Variants in CHD8 observed in about 807,000 individuals in gnomAD.
CHD8 encodes the protein ATP-dependent chromatin remodeler CHD8.
In CHD8, 31 loss-of-function variants were observed where a neutral mutation model predicts 279.2. The ratio of observed to expected loss-of-function variants is 0.11; its 90% CI spans 0.08 to 0.15. The LOEUF (loss-of-function observed/expected upper bound fraction) is 0.15. Ranked by LOEUF, CHD8 falls within the 10% of genes least tolerant of loss-of-function variation. The pLI, the probability that CHD8 is intolerant of heterozygous loss-of-function variation, is 1.00. For synonymous variants in CHD8, 1,081 were observed against 1,139.6 expected (o/e 0.95, Z 1.04); for missense variants, 2,146 against 3,230.5 (o/e 0.66, Z 8.14).
chr14:21,437,035 G>A, intron 1 of CHD8: 2 of 1,105,082 alleles, frequency 1.8e-6, no homozygotes, highest in Non-Finnish European at 2.4e-6. Flanking sequence ...GCCCTCCAGG[G>A]TGGGGATGGC....
chr14:21,431,723 C>G lies in CHD8; in HGVS notation c.-80G>C. ...GGGGTACTGGCTCTCCCCTCCCCTC[C>G]CCTATTAAGAAAAAAATGTACACAA... On this transcript the variant is annotated 5_prime_UTR_variant, in exon 2 of 38. Coordinates refer to ENST00000646647, the MANE Select transcript of CHD8 (RefSeq NM_001170629.2). 1 of 1,610,146 alleles carries G rather than the reference C, an allele frequency of 6.2e-7. No homozygotes were observed. The highest frequency in any genetic ancestry group is 8.5e-7 in the Non-Finnish European group (1 of 1,178,002).
intron 1 of CHD8, among the ~76,000 whole-genome samples, chr14:21,446,762 GAC>G (rs1890131473): frequency 6.6e-6 from 1 of 152,212 alleles, no homozygotes; most frequent in African/African-American, 2.4e-5. Context: ...AGCTCCAGAA[GAC>G]ACATTCTTAA....
Position 21,386,022 on chromosome 14 carries a change from G to A in CHD8, c.7337C>T (p.Thr2446Met), listed in dbSNP as rs763909898. 5.6e-6 allele frequency: 9 copies of A among 1,596,120 alleles called. No homozygotes were observed. The East Asian group carries it at 6.8e-5, about 12-fold the overall frequency. Residue 2446 changes from threonine (T) to methionine (M), a missense_variant, in exon 38 of 38, where the codon ACG becomes ATG. Coordinates refer to ENST00000646647, the MANE Select transcript of CHD8 (RefSeq NM_001170629.2). ...GSTGSLSLHN[T>M]FQHSSSGLQS... ...TAGGCCACTACTGCTGTGTTGGAACGTGTTATGCAGAGATAGAGACCCAGT... is the reference window on the plus strand; with the variant it reads ...TAGGCCACTACTGCTGTGTTGGAACATGTTATGCAGAGATAGAGACCCAGT...
intron 5 of CHD8, chr14:21,425,324 T>C (rs916116939): frequency 1.6e-5 from 2 of 123,632 alleles, no homozygotes; most frequent in African/African-American, 7.2e-5. Flanking sequence ...AGTATTGCTA[T>C]TTTTTTTTTT....
At position 21,408,587 on chromosome 14, in the gene CHD8, TA is replaced by T. The variant is rs752032624; in HGVS notation, c.2487-33del. On this transcript the variant is annotated intron_variant, in intron 12 of 37. Transcript: ENST00000646647. The surrounding 1 kb of genome is among the most constrained non-coding windows in gnomAD (Gnocchi z 4.3). Reference sequence around the variant, plus strand: ...ATTCACCATGGGAAAAAAAAAATGTTAAAAGATACTATCTTTAAAAAAAATA... The same window carrying T: ...ATTCACCATGGGAAAAAAAAAATGTTAAAGATACTATCTTTAAAAAAAATA... 1.3e-6 allele frequency: 2 copies of T among 1,589,148 alleles called. No individual in the cohort carries two copies. Among genetic ancestry groups the T allele is most frequent in the African/African-American group, 2.7e-5 (2 of 72,790 alleles).
rs1165884095 is a variant in CHD8 at position 21,385,469 on chromosome 14, CA to C, written c.*143del. On this transcript the variant is annotated 3_prime_UTR_variant, in exon 38 of 38. Transcript: ENST00000646647. ...TCTCATAATTGGGAGCAATCAGGTA[CA>C]TTTTTTTTTTTTTTTCCTTTTCACC... The C allele has an allele frequency of 2.1e-5, 22 of 1,056,680 alleles. No homozygotes were observed. Among genetic ancestry groups the C allele is most frequent in the Non-Finnish European group, 2.4e-5 (18 of 761,518 alleles). 65.5% of individuals were successfully genotyped at this position (1,056,680 alleles called of 1,614,324 possible).
At chr14:21,437,225 T>A (rs1296006875) in intron 1 of CHD8, 1 of 1,184,182 alleles carries the variant, frequency 8.4e-7, no homozygotes, top group South Asian at 1.5e-5. Context: ...GGTTCGCCCC[T>A]CTCCCTGTCT....
rs556977377 is a variant in CHD8, at chr14:21,431,010, G to C, written c.634C>G (p.Arg212Gly). 1.9e-6 allele frequency: 3 copies of C among 1,599,482 alleles called. No homozygotes were observed. The highest frequency in any genetic ancestry group is 2.7e-5 in the African/African-American group (2 of 75,074). The change falls in exon 2 of 38, where the codon CGA becomes GGA. Residue 212 changes from arginine to glycine, a missense_variant. Physicochemically the swap from Arg to Gly is moderately radical, Grantham distance 125 (BLOSUM62 -2). This residue lies in a region of CHD8 where 302 missense variants were observed against 325.5 expected (regional missense o/e 0.93). Coordinates refer to ENST00000646647, the MANE Select transcript of CHD8 (RefSeq NM_001170629.2). ...CCAGAGACAATGGAAACACCTGGTC[G>C]AAGGGGTGTGCCGGTTAGCACTTTG... The part of the protein sequence containing the change: ...FTKVLTGTPL[R>G]PGVSIVSGNT...
chr14:21,401,925 T>G, intron 20 of CHD8, 32 bp downstream of exon 20: 1 of 1,567,964 alleles, frequency 6.4e-7, no homozygotes, highest in Non-Finnish European at 8.6e-7. Context: ...GGTCTCTGTG[T>G]TTTTCTAGCC....
chr14:21,437,580 G>C (rs1889841239), intron 1 of CHD8, among the ~76,000 whole-genome samples: 1 of 152,128 alleles, frequency 6.6e-6, no homozygotes, highest in Admixed American at 6.5e-5. Context: ...AAACTTGGGA[G>C]GGAGGGTTCC....
At chr14:21,395,946 A>G in intron 27 of CHD8, 54 bp from the exon 28 acceptor site, 2 of 1,153,102 alleles carry the variant, frequency 1.7e-6, no homozygotes, top group Admixed American at 3.6e-5. Context: ...TCTATCACTA[A>G]GGGAACCTAG....
rs574770740 is a variant in CHD8 at position 21,440,854 on chromosome 14, G to C, written c.-215-8996C>G. Among the ~76,000 whole-genome samples, 4 of 152,232 alleles carry C rather than the reference G, an allele frequency of 2.6e-5. No homozygotes were observed. The East Asian group carries it at 5.8e-4, about 22-fold the overall frequency. On this transcript the variant is annotated intron_variant, in intron 1 of 37. Coordinates refer to ENST00000646647, the MANE Select transcript of CHD8 (RefSeq NM_001170629.2). ...TTTGGTTAGCTAACTCTGGCTCTAG[G>C]GGGTGAGAGGACAGAGGACACAGAA...
intron 10 of CHD8, among the ~76,000 whole-genome samples, chr14:21,411,202 A>G (rs981749552): frequency 6.6e-5 from 10 of 152,226 alleles, no homozygotes; most frequent in South Asian, 4.1e-4. Flanking sequence ...CTGAAAAATG[A>G]TAAGAATTTA....
intron 1 of CHD8, among the ~76,000 whole-genome samples, chr14:21,439,381 C>A (rs565911500): frequency 3.3e-5 from 5 of 152,298 alleles, no homozygotes; most frequent in African/African-American, 7.2e-5. Context: ...AAACCTCCCC[C>A]CTGTAGCCAC....
In CHD8 at chr14:21,385,478, T is replaced by TG; in HGVS notation, c.*134_*135insC. On this transcript the variant is annotated 3_prime_UTR_variant, in exon 38 of 38. Coordinates refer to ENST00000646647, the MANE Select transcript of CHD8 (RefSeq NM_001170629.2). ...TGGGAGCAATCAGGTACATTTTTTT[T>TG]TTTTTTTCCTTTTCACCTCCTGGAG... 2.2e-6 allele frequency: 3 copies of TG among 1,368,694 alleles called. No individual in the cohort carries two copies. Among genetic ancestry groups the TG allele is most frequent in the Non-Finnish European group, 2.9e-6 (3 of 1,046,274 alleles). 84.8% of individuals were successfully genotyped at this position (1,368,694 alleles called of 1,614,324 possible). A position where few individuals can be genotyped will look rare whatever the true frequency, so the allele number is the denominator to read the frequency against.
chr14:21,415,547 A>G (rs1296406024), intron 7 of CHD8, 27 bp downstream of exon 7: 1 of 1,130,684 alleles, frequency 8.8e-7, no homozygotes, highest in Non-Finnish European at 1.2e-6. Flanking sequence ...ATAAATAAAA[A>G]TAATAATAAT....
intron 10 of CHD8, among the ~76,000 whole-genome samples, chr14:21,412,360 G>T (rs1888537163): frequency 6.6e-6 from 1 of 152,072 alleles, no homozygotes; most frequent in South Asian, 2.1e-4. Context: ...TGGCCAAGCT[G>T]GTCTCAAACT....
intron 1 of CHD8, among the ~76,000 whole-genome samples, chr14:21,446,252 G>A (rs1394115740): frequency 6.6e-6 from 1 of 151,540 alleles, no homozygotes; most frequent in Non-Finnish European, 1.5e-5. Flanking sequence ...ATTGCTGAAT[G>A]TACATTACAT....
intron 4 of CHD8, chr14:21,426,503 C>A (rs1299500556): frequency 2.6e-6 from 1 of 381,896 alleles, no homozygotes; most frequent in Non-Finnish European, 4.7e-6. Flanking sequence ...GAAGGTAGCA[C>A]AAGATAGGAG....
Sources: gnomAD v4.1 joint callset for allele counts (sites outside exome capture counted in the v4.1 genomes callset) on GRCh38, gnomAD v4.1.1 for gene constraint, gnomAD v4.1.1 regional missense constraint, Gnocchi (gnomAD v3.1) non-coding constraint, MANE v1.5 for transcripts, NCBI Gene and HGNC (gene_info 2026-07-23, HGNC 2026-07-21) for gene names.